Variants in MPP7 observed in about 807,000 individuals in gnomAD.
MPP7 encodes MAGUK p55 scaffold protein 7.
In MPP7, 60 loss-of-function variants were observed where a neutral mutation model predicts 76.5. That is an observed-to-expected ratio of 0.78 (90% CI 0.64 to 0.97). The LOEUF (loss-of-function observed/expected upper bound fraction) is 0.97, where lower values mean the gene tolerates loss of function less well. MPP7 is among the 50% of genes least tolerant of loss of function. The pLI is 0.00. For synonymous variants in MPP7, 237 were observed against 244.5 expected (o/e 0.97, Z 0.29); for missense variants, 641 against 694.0 (o/e 0.92, Z 0.86).
intron 12 of MPP7, among the ~76,000 whole-genome samples, chr10:28,084,345 C>T (rs1242359677): frequency 4.6e-5 from 7 of 152,184 alleles, no homozygotes; most frequent in African/African-American, 7.2e-5. Context: ...AAGGCTTCTC[C>T]CTGTGTGCAC....
intron 5 of MPP7, among the ~76,000 whole-genome samples, chr10:28,132,548 G>T (rs557416638): frequency 6.6e-6 from 1 of 152,198 alleles, no homozygotes; most frequent in East Asian, 1.9e-4. Flanking sequence ...TAATTCCTCA[G>T]CCTCCTGAGT....
chr10:28,279,411 A>C (rs1339575322), intron 1 of MPP7, among the ~76,000 whole-genome samples: 2 of 151,976 alleles, frequency 1.3e-5, no homozygotes, highest in Non-Finnish European at 1.5e-5. Context: ...TCATTGGCTC[A>C]CTACAGAAAT....
chr10:28,102,398 T>C (rs1853867700), intron 11 of MPP7, among the ~76,000 whole-genome samples: 1 of 152,196 alleles, frequency 6.6e-6, no homozygotes, highest in African/African-American at 2.4e-5. Context: ...ACCTCTTTCA[T>C]TAATAAACAT....
chr10:28,234,453 G>T (rs1274383061), intron 2 of MPP7, among the ~76,000 whole-genome samples: 25 of 152,176 alleles, frequency 1.6e-4, no homozygotes, highest in Non-Finnish European at 1.0e-4. Flanking sequence ...TACTGTAAGT[G>T]TGGGCTGCAC....
At chr10:28,097,627 T>C (rs7896041) in intron 11 of MPP7, among the ~76,000 whole-genome samples, 52,424 of 152,024 alleles carry the variant, frequency 0.34, 12,573 homozygotes, top group East Asian at 0.95. Context: ...ATGAATTTAG[T>C]TCATTTCTAT....
At chr10:28,123,962 T>A in intron 8 of MPP7, 69 bp downstream of exon 8, 1 of 1,055,478 alleles carries the variant, frequency 9.5e-7, no homozygotes, top group East Asian at 2.4e-5. Flanking sequence ...TCAAACCAAG[T>A]CTAAAAGTCT....
chr10:28,291,667 C>T (rs960063271), intron 1 of MPP7, among the ~76,000 whole-genome samples: 3 of 151,948 alleles, frequency 2.0e-5, no homozygotes, highest in Non-Finnish European at 2.9e-5. Context: ...CCTGTGTAGG[C>T]CTAGGCTAAA....
At chr10:28,091,827 T>G (rs1398408171) in intron 11 of MPP7, among the ~76,000 whole-genome samples, 1 of 152,220 alleles carries the variant, frequency 6.6e-6, no homozygotes, top group African/African-American at 2.4e-5. Flanking sequence ...CAATAGAGTA[T>G]AATAATTTAC....
chr10:28,173,077 G>C (rs527923141), intron 3 of MPP7, among the ~76,000 whole-genome samples: 1 of 151,922 alleles, frequency 6.6e-6, no homozygotes, highest in Admixed American at 6.6e-5. Flanking sequence ...ATATAAGCCG[G>C]GGGAGGAACA....
intron 1 of MPP7, among the ~76,000 whole-genome samples, chr10:28,272,938 G>A (rs965272002): frequency 1.6e-4 from 25 of 152,072 alleles, no homozygotes; most frequent in Non-Finnish European, 3.4e-4. Context: ...TTGTTTTTGA[G>A]ATGGAGTCTC....
chr10:28,211,826 G>A (rs759958505), intron 2 of MPP7, among the ~76,000 whole-genome samples: 1 of 152,052 alleles, frequency 6.6e-6, no homozygotes, highest in African/African-American at 2.4e-5. Context: ...ATATAAGGAA[G>A]GATATGGGAG....
upstream of MPP7, among the ~76,000 whole-genome samples, chr10:28,306,668 TAG>T (rs55731439): frequency 2.0e-5 from 3 of 148,396 alleles, no homozygotes; most frequent in Admixed American, 6.7e-5. Context: ...GATAGATAGA[TAG>T]AGAGAGAGAG....
chr10:28,175,120 T>C (rs994097658), intron 3 of MPP7, among the ~76,000 whole-genome samples: 11 of 152,096 alleles, frequency 7.2e-5, no homozygotes, highest in South Asian at 4.1e-4. Context: ...CAAAACCCCA[T>C]CTCTACTAAA....
chr10:28,305,330 A>T (rs964862184), upstream of MPP7: 3 of 152,214 alleles, frequency 2.0e-5, no homozygotes, highest in African/African-American at 7.2e-5. Flanking sequence ...TGTTACAAGG[A>T]TTCCTGACGG....
intron 3 of MPP7, among the ~76,000 whole-genome samples, chr10:28,155,640 G>A (rs1836035514): frequency 2.1e-5 from 3 of 146,324 alleles, no homozygotes; most frequent in African/African-American, 8.1e-5. Context: ...TTAAAGAATA[G>A]GAGACCCTTG....
chr10:28,062,080 T>C (rs933361140), intron 13 of MPP7, among the ~76,000 whole-genome samples: 2 of 152,084 alleles, frequency 1.3e-5, no homozygotes, highest in Non-Finnish European at 2.9e-5. Context: ...AAAGAACAAA[T>C]AATTGTGTAA....
chr10:28,258,633 C>G (rs1377239345), intron 1 of MPP7, among the ~76,000 whole-genome samples: 2 of 151,860 alleles, frequency 1.3e-5, no homozygotes, highest in Non-Finnish European at 2.9e-5. Flanking sequence ...CTCCTGACCT[C>G]AAATGATCTG....
At position 28,223,490 on chromosome 10, in the gene MPP7, G is replaced by A. The variant is rs17758753; in HGVS notation, c.37+15078C>T. Among the ~76,000 whole-genome samples, 11 of 152,240 alleles carry A rather than the reference G, an allele frequency of 7.2e-5. No individual in the cohort carries two copies. The East Asian group carries it at 1.5e-3, about 21-fold the overall frequency. On this transcript the variant is annotated intron_variant, in intron 2 of 16. Coordinates refer to ENST00000683449, the MANE Select transcript of MPP7 (RefSeq NM_001318170.2). ...TTTGCAGAAATCTCATTCCATCATC[G>A]TTGCATAAGGCTATACAAGTACTGT...
At chr10:28,087,506 G>A (rs1003593264) in intron 12 of MPP7, among the ~76,000 whole-genome samples, 4 of 151,726 alleles carry the variant, frequency 2.6e-5, no homozygotes, top group African/African-American at 9.7e-5. Context: ...AGCAATTCTT[G>A]TGCCTCAGCT....
Sources: gnomAD v4.1 joint callset for allele counts (sites outside exome capture counted in the v4.1 genomes callset) on GRCh38, gnomAD v4.1.1 for gene constraint, MANE v1.5 for transcripts, NCBI Gene and HGNC (gene_info 2026-07-23, HGNC 2026-07-21) for gene names.